TMEM163: variants seen among roughly 807,000 people sequenced by gnomAD.
The protein encoded by TMEM163 is transmembrane protein 163.
A neutral mutation model predicts 29.3 loss-of-function variants in TMEM163; 17 were observed. The observed-to-expected ratio is 0.58, with a 90% confidence interval of 0.40 to 0.87. TMEM163 has a LOEUF of 0.87. Among genes scored for constraint, TMEM163 ranks in the 40% least tolerant of loss-of-function variants. TMEM163 has a pLI of 0.00. For missense variants in TMEM163, 303 were observed against 381.5 expected, an observed-to-expected ratio of 0.79 and a Z score of 1.71; for synonymous variants, 157 against 160.6, an observed-to-expected ratio of 0.98 and a Z score of 0.17.
At chr2:134,541,780 A>G (rs942648411) in intron 4 of TMEM163, among the ~76,000 whole-genome samples, 78 of 146,068 alleles carry the variant, frequency 5.3e-4, no homozygotes, top group Admixed American at 3.6e-3. Flanking sequence ...GTGCACACAC[A>G]CACACACACA....
rs1234321358 is a variant in TMEM163, at chr2:134,718,687, C to G, written c.202+47G>C. 5.4e-6 allele frequency: 6 copies of G among 1,120,410 alleles called. No individual in the cohort carries two copies. In the East Asian group the frequency reaches 1.5e-4, roughly 27 times the overall value. 69.4% of individuals were successfully genotyped at this position (1,120,410 alleles called of 1,614,324 possible). On this transcript the variant is annotated intron_variant, in intron 1 of 7. Transcript: ENST00000281924. Reference sequence around the variant, plus strand: ...CCCGCGAGTGGGGAGAGGCGGGCCCCGAGCAGCCACCCCGGTCGCCGGCCG... The same window carrying G: ...CCCGCGAGTGGGGAGAGGCGGGCCCGGAGCAGCCACCCCGGTCGCCGGCCG...
At chr2:134,472,457 A>G (rs1398471012) in intron 5 of TMEM163, among the ~76,000 whole-genome samples, 5 of 152,388 alleles carry the variant, frequency 3.3e-5, no homozygotes, top group Admixed American at 2.0e-4. Context: ...AACCAAAAAT[A>G]TTACAAGGCT....
At chr2:134,635,171 C>T (rs1683076378) in intron 2 of TMEM163, among the ~76,000 whole-genome samples, 1 of 152,230 alleles carries the variant, frequency 6.6e-6, no homozygotes, top group Non-Finnish European at 1.5e-5. Flanking sequence ...AATCCATCTA[C>T]ATCGAAAATT....
At chr2:134,536,501 C>A (rs1680543138) in intron 4 of TMEM163, among the ~76,000 whole-genome samples, 1 of 152,102 alleles carries the variant, frequency 6.6e-6, no homozygotes, top group Non-Finnish European at 1.5e-5. Context: ...CAGCCCCGGG[C>A]TCTGGAGGCT....
At chr2:134,484,222 G>A (rs541694235) in intron 5 of TMEM163, among the ~76,000 whole-genome samples, 7 of 152,010 alleles carry the variant, frequency 4.6e-5, no homozygotes, top group Admixed American at 3.3e-4. Context: ...AGCACAACGC[G>A]TGGAGGAAAA....
At chr2:134,474,471 C>A in intron 5 of TMEM163, among the ~76,000 whole-genome samples, 1 of 151,986 alleles carries the variant, frequency 6.6e-6, no homozygotes, top group Non-Finnish European at 1.5e-5. Context: ...CTCCTAAGAT[C>A]AGGAAAAAGG....
intron 2 of TMEM163, among the ~76,000 whole-genome samples, chr2:134,621,974 G>T (rs143858412): frequency 6.6e-6 from 1 of 152,072 alleles, no homozygotes; most frequent in African/African-American, 2.4e-5. Flanking sequence ...TAATTAAAAA[G>T]AACAAGCTAC....
chr2:134,642,592 CAT>C (rs916258092), intron 2 of TMEM163, among the ~76,000 whole-genome samples: 7 of 152,158 alleles, frequency 4.6e-5, no homozygotes, highest in African/African-American at 1.4e-4. Context: ...GTAGAATACA[CAT>C]GTGTTTCAAG....
At chr2:134,639,660 G>A (rs980948380) in intron 2 of TMEM163, among the ~76,000 whole-genome samples, 11 of 152,144 alleles carry the variant, frequency 7.2e-5, no homozygotes, top group Non-Finnish European at 1.3e-4. Flanking sequence ...ATAGCAAACC[G>A]TCTGCTAAAT....
intron 2 of TMEM163, among the ~76,000 whole-genome samples, chr2:134,626,831 CATT>C (rs1682863218): frequency 6.6e-6 from 1 of 152,168 alleles, no homozygotes; most frequent in Non-Finnish European, 1.5e-5. Context: ...ATTTTGCTAT[CATT>C]AATAATGCTG....
chr2:134,684,931 A>AGG (rs1684322761), intron 2 of TMEM163, among the ~76,000 whole-genome samples: 1 of 149,554 alleles, frequency 6.7e-6, no homozygotes, highest in African/African-American at 2.4e-5. Flanking sequence ...TCAAAAAAAA[A>AGG]AAAAAAAAAG....
intron 4 of TMEM163, among the ~76,000 whole-genome samples, chr2:134,524,795 G>C (rs1680258141): frequency 1.3e-5 from 2 of 150,440 alleles, no homozygotes; most frequent in South Asian, 4.4e-4. Context: ...TTGATTCCAT[G>C]TCTTTGCTAT....
At chr2:134,646,597 A>G (rs1683343249) in intron 2 of TMEM163, among the ~76,000 whole-genome samples, 1 of 152,038 alleles carries the variant, frequency 6.6e-6, no homozygotes, top group Admixed American at 6.6e-5. Context: ...GGTGTGCATC[A>G]CCATGCCCAG....
intron 5 of TMEM163, among the ~76,000 whole-genome samples, chr2:134,481,275 T>C (rs971710157): frequency 2.0e-5 from 3 of 151,734 alleles, no homozygotes; most frequent in African/African-American, 7.3e-5. Context: ...CGACACCAGG[T>C]GATATGATTT....
At chr2:134,517,826 G>A (rs1194756348) in intron 4 of TMEM163, among the ~76,000 whole-genome samples, 1 of 152,134 alleles carries the variant, frequency 6.6e-6, no homozygotes, top group Admixed American at 6.5e-5. Context: ...TAACCAAAAT[G>A]TAAGAACTGA....
At chr2:134,491,856 GAA>G (rs1164068308) in intron 5 of TMEM163, among the ~76,000 whole-genome samples, 1 of 152,148 alleles carries the variant, frequency 6.6e-6, no homozygotes, top group African/African-American at 2.4e-5. Context: ...CCAGAGTGAG[GAA>G]AAGAGGACCA....
At chr2:134,550,362 A>G (rs1371061399) in intron 4 of TMEM163, among the ~76,000 whole-genome samples, 2 of 152,188 alleles carry the variant, frequency 1.3e-5, no homozygotes, top group African/African-American at 4.8e-5. Flanking sequence ...AACAGAGAAA[A>G]TTATAAAGGT....
At chr2:134,691,453 C>T (rs997707651) in intron 2 of TMEM163, among the ~76,000 whole-genome samples, 7 of 152,218 alleles carry the variant, frequency 4.6e-5, no homozygotes, top group Admixed American at 1.3e-4. Flanking sequence ...CTCTGTTTGA[C>T]TCCTCTCTGG....
intron 2 of TMEM163, among the ~76,000 whole-genome samples, chr2:134,653,883 C>G (rs1325572242): frequency 7.9e-6 from 1 of 126,386 alleles, no homozygotes; most frequent in Admixed American, 7.7e-5. Flanking sequence ...ATCCTGAGTT[C>G]TAGTTTGATT....
Sources: gnomAD v4.1 joint callset for allele counts (sites outside exome capture counted in the v4.1 genomes callset) on GRCh38, gnomAD v4.1.1 for gene constraint, MANE v1.5 for transcripts, NCBI Gene and HGNC (gene_info 2026-07-23, HGNC 2026-07-21) for gene names.